Variants in STXBP6 observed in about 807,000 individuals in gnomAD.
STXBP6 encodes the protein syntaxin-binding protein 6.
A neutral mutation model predicts 26.9 loss-of-function variants in STXBP6; 21 were observed. The observed-to-expected ratio is 0.78, with a 90% CI of 0.55 to 1.12. The LOEUF (loss-of-function observed/expected upper bound fraction) is 1.12, where lower values mean the gene tolerates loss of function less well. STXBP6 is among the 50% of genes most tolerant of loss of function. The pLI, the probability that STXBP6 is intolerant of heterozygous loss-of-function variation, is 0.00. For missense variants in STXBP6, 232 were observed against 257.9 expected (o/e 0.90, Z 0.69); for synonymous variants, 97 against 92.6 (o/e 1.05, Z -0.27).
intron 2 of STXBP6, among the ~76,000 whole-genome samples, chr14:24,938,896 G>C (rs549361590): frequency 5.3e-5 from 8 of 152,104 alleles, no homozygotes; most frequent in Non-Finnish European, 1.2e-4. Context: ...CATTGTGGCA[G>C]TACAACAAAG....
intron 5 of STXBP6, chr14:24,815,580 G>C (rs997494257): frequency 6.6e-6 from 1 of 151,736 alleles, no homozygotes; most frequent in Non-Finnish European, 1.5e-5. Flanking sequence ...CCATTCCCTC[G>C]CAGTGAGAGA....
intron 2 of STXBP6, among the ~76,000 whole-genome samples, chr14:24,933,510 T>C (rs964244738): frequency 6.6e-6 from 1 of 152,216 alleles, no homozygotes; most frequent in Non-Finnish European, 1.5e-5. Context: ...TTTCTGCATG[T>C]ACTGAGGGGC....
intron 2 of STXBP6, among the ~76,000 whole-genome samples, chr14:24,864,839 T>C (rs902660952): frequency 1.3e-5 from 2 of 152,050 alleles, no homozygotes; most frequent in African/African-American, 4.8e-5. Context: ...ACCACCACCA[T>C]CCCTTCTTTA....
Position 24,915,520 on chromosome 14 carries a change from AT to A in STXBP6, c.155-58364del, listed in dbSNP as rs574224223. On this transcript the variant is annotated intron_variant, in intron 2 of 5. Coordinates refer to ENST00000323944, the MANE Select transcript of STXBP6 (RefSeq NM_001394410.1). ...GCAAAAATAATACATTAGGTAAATC[AT>A]TTGGATTTTTAAATATAGTCCTGTT... Among the ~76,000 whole-genome samples, 106 of 152,306 alleles carry A rather than the reference AT, an allele frequency of 7.0e-4. 1 individual carries two copies. The highest frequency in any genetic ancestry group is 2.5e-3 in the African/African-American group (103 of 41,588).
Position 24,878,179 on chromosome 14 carries a change from G to GA in STXBP6, c.155-21023dup, listed in dbSNP as rs1388061282. On this transcript the variant is annotated intron_variant, in intron 2 of 5. Coordinates refer to ENST00000323944, the MANE Select transcript of STXBP6 (RefSeq NM_001394410.1). ...TGGCATTTGTCTTTTGACTTATGGG[G>GA]ATTTGCACCATGACATTTTGGCAGT... Among the ~76,000 whole-genome samples the GA allele has an allele frequency of 3.7e-4, 57 of 152,086 alleles. 1 individual carries two copies. Among genetic ancestry groups the GA allele is most frequent in the Middle Eastern group, 6.8e-3 (2 of 294 alleles).
At chr14:24,944,924 G>C (rs560334948) in intron 2 of STXBP6, among the ~76,000 whole-genome samples, 1 of 152,062 alleles carries the variant, frequency 6.6e-6, no homozygotes, top group Non-Finnish European at 1.5e-5. Flanking sequence ...CAAACAATAA[G>C]ATCTCAGAGA....
intron 2 of STXBP6, among the ~76,000 whole-genome samples, chr14:24,962,366 G>C (rs1386137205): frequency 6.6e-6 from 1 of 151,142 alleles, no homozygotes; most frequent in Non-Finnish European, 1.5e-5. Flanking sequence ...GTCTCACTCT[G>C]TCACCCAGCC....
At chr14:24,897,726 T>C (rs1000181399) in intron 2 of STXBP6, among the ~76,000 whole-genome samples, 2 of 152,192 alleles carry the variant, frequency 1.3e-5, no homozygotes, top group Non-Finnish European at 2.9e-5. Context: ...TAGTAGGCTC[T>C]TGATGTTTTA....
At chr14:24,967,982 T>C (rs1295108470) in intron 2 of STXBP6, among the ~76,000 whole-genome samples, 2 of 152,210 alleles carry the variant, frequency 1.3e-5, no homozygotes, top group South Asian at 2.1e-4. Context: ...CCCCGGCAGA[T>C]CATGACCTCT....
intron 5 of STXBP6, among the ~76,000 whole-genome samples, chr14:24,813,231 TTTAA>T (rs1378585425): frequency 6.6e-6 from 1 of 152,188 alleles, no homozygotes; most frequent in Admixed American, 6.5e-5. Context: ...CCCTTCACAA[TTTAA>T]TTGTGTTACT....
chr14:24,999,958 T>C (rs949307210), intron 1 of STXBP6, among the ~76,000 whole-genome samples: 6 of 152,188 alleles, frequency 3.9e-5, no homozygotes, highest in African/African-American at 1.4e-4. Context: ...ATATGTTAGG[T>C]TGTTTTGGTT....
chr14:25,022,288 A>C (rs961729686), intron 1 of STXBP6, among the ~76,000 whole-genome samples: 1 of 152,166 alleles, frequency 6.6e-6, no homozygotes, highest in African/African-American at 2.4e-5. Context: ...TAGGGTAGCA[A>C]GGCAGTTCCT....
At chr14:24,851,468 A>G (rs2069153494) in intron 4 of STXBP6, among the ~76,000 whole-genome samples, 1 of 141,706 alleles carries the variant, frequency 7.1e-6, no homozygotes, top group Non-Finnish European at 1.5e-5. Flanking sequence ...ATTCCCACCT[A>G]TGAGTGAGAA....
chr14:25,009,732 A>T (rs1299630558), intron 1 of STXBP6, among the ~76,000 whole-genome samples: 1 of 152,190 alleles, frequency 6.6e-6, no homozygotes, highest in African/African-American at 2.4e-5. Flanking sequence ...CATGCAAAAC[A>T]ACATCACACA....
chr14:24,839,669 C>T (rs949940459), intron 4 of STXBP6, among the ~76,000 whole-genome samples: 10 of 152,180 alleles, frequency 6.6e-5, no homozygotes, highest in Admixed American at 2.0e-4. Context: ...TGTATTTACT[C>T]AGCGCCGGGC....
chr14:25,031,008 A>G (rs183568173), intron 1 of STXBP6, among the ~76,000 whole-genome samples: 8 of 152,318 alleles, frequency 5.3e-5, no homozygotes, highest in African/African-American at 1.9e-4. Flanking sequence ...AATTCAATCT[A>G]TTGCTAGTGG....
At chr14:24,884,792 T>G (rs2070507721) in intron 2 of STXBP6, among the ~76,000 whole-genome samples, 2 of 152,238 alleles carry the variant, frequency 1.3e-5, no homozygotes, top group Non-Finnish European at 2.9e-5. Flanking sequence ...ATCCTGTTTT[T>G]ATATATTTTG....
chr14:25,047,338 T>C (rs2075742756), intron 1 of STXBP6, among the ~76,000 whole-genome samples: 4 of 152,202 alleles, frequency 2.6e-5, no homozygotes, highest in African/African-American at 9.7e-5. Context: ...CAATCAGAAT[T>C]ATTAAACCTA....
At chr14:24,926,398 T>A (rs1381164817) in intron 2 of STXBP6, among the ~76,000 whole-genome samples, 1 of 152,178 alleles carries the variant, frequency 6.6e-6, no homozygotes. Context: ...TGGATCTCTC[T>A]CTGCCATGTA....
Sources: gnomAD v4.1 joint callset for allele counts (sites outside exome capture counted in the v4.1 genomes callset) on GRCh38, gnomAD v4.1.1 for gene constraint, MANE v1.5 for transcripts, NCBI Gene and HGNC (gene_info 2026-07-23, HGNC 2026-07-21) for gene names.